Variants in INSYN2B observed in about 807,000 individuals in gnomAD.
INSYN2B encodes protein INSYN2B.
A neutral mutation model predicts 41.2 loss-of-function variants in INSYN2B; 16 were observed. The observed-to-expected ratio is 0.39, with a 90% CI of 0.26 to 0.59. The LOEUF (loss-of-function observed/expected upper bound fraction) is 0.59. INSYN2B is among the 20% of genes least tolerant of loss of function. The pLI is 0.57. For synonymous variants in INSYN2B, 245 were observed against 244.4 expected (o/e 1.00, Z -0.02); for missense variants, 608 against 646.4 (o/e 0.94, Z 0.64).
At chr5:169,942,810 T>C (rs1373346044) in intron 1 of INSYN2B, among the ~76,000 whole-genome samples, 3 of 152,228 alleles carry the variant, frequency 2.0e-5, no homozygotes, top group African/African-American at 7.2e-5. Flanking sequence ...TCAGTCTTTG[T>C]TGCTTCCAAG....
At chr5:169,967,327 G>A (rs1245471364) in intron 1 of INSYN2B, among the ~76,000 whole-genome samples, 1 of 152,196 alleles carries the variant, frequency 6.6e-6, no homozygotes, top group Non-Finnish European at 1.5e-5. Context: ...TATGTCAATT[G>A]TTTAAAAGGT....
chr5:169,976,479 G>A (rs1044250481), intron 1 of INSYN2B, among the ~76,000 whole-genome samples: 3 of 152,030 alleles, frequency 2.0e-5, no homozygotes, highest in Non-Finnish European at 4.4e-5. Context: ...GATGAATGTA[G>A]GGCCCTGGGC....
Position 169,912,460 on chromosome 5 carries a change from C to T in INSYN2B, c.-918-27644G>A, listed in dbSNP as rs185243135. Among the ~76,000 whole-genome samples the T allele has an allele frequency of 8.5e-5, 13 of 152,254 alleles. No individual in the cohort carries two copies. The East Asian group carries it at 1.2e-3, about 14-fold the overall frequency. ...CCACACACAAATTCATCTTTTGGCA[C>T]GTGTATGTGTGTGTGCACATATGTG... On this transcript the variant is annotated intron_variant, in intron 1 of 3. Transcript: ENST00000377365.
At chr5:169,934,684 G>A (rs1243189755) in intron 1 of INSYN2B, 2 of 456,110 alleles carry the variant, frequency 4.4e-6, no homozygotes, top group Non-Finnish European at 8.8e-6. Flanking sequence ...AACCGATTGG[G>A]TGCTACGGAG....
intron 1 of INSYN2B, among the ~76,000 whole-genome samples, chr5:169,889,402 A>G (rs559320320): frequency 3.9e-5 from 6 of 152,328 alleles, no homozygotes; most frequent in Admixed American, 1.3e-4. Context: ...TGGAGATTCC[A>G]AGGAGGAAAA....
chr5:169,888,427 T>C lies in INSYN2B; in HGVS notation c.-918-3611A>G, dbSNP rs74998833. On this transcript the variant is annotated intron_variant, in intron 1 of 3. Transcript: ENST00000377365. ...AACACTTTATTCTGTCCTCCCTTGA[T>C]TATTGACTTTAGTGAACATGAACCA... is the stretch of plus-strand genomic sequence containing the variant. Among the ~76,000 whole-genome samples the C allele has an allele frequency of 9.5e-3, 1,451 of 152,326 alleles. 22 individuals are homozygous for C. The highest frequency in any genetic ancestry group is 0.033 in the African/African-American group (1,376 of 41,560).
chr5:169,893,487 T>A (rs942935240), intron 1 of INSYN2B, among the ~76,000 whole-genome samples: 7 of 152,038 alleles, frequency 4.6e-5, no homozygotes, highest in African/African-American at 1.7e-4. Flanking sequence ...CCCTTTTTTT[T>A]TTTTTTAGGT....
intron 3 of INSYN2B, among the ~76,000 whole-genome samples, chr5:169,869,758 ACT>A (rs1308064725): frequency 6.6e-6 from 1 of 152,018 alleles, no homozygotes; most frequent in Non-Finnish European, 1.5e-5. Flanking sequence ...AGTGGGAGAG[ACT>A]CTCTGCTTTG....
At chr5:169,867,530 CATCT>C (rs1435345179) in intron 3 of INSYN2B, among the ~76,000 whole-genome samples, 2 of 151,798 alleles carry the variant, frequency 1.3e-5, no homozygotes, top group African/African-American at 4.9e-5. Context: ...TATCATCTAT[CATCT>C]ATCATGTATC....
At chr5:169,904,970 G>T (rs1017396903) in intron 1 of INSYN2B, among the ~76,000 whole-genome samples, 4 of 152,124 alleles carry the variant, frequency 2.6e-5, no homozygotes, top group African/African-American at 9.7e-5. Context: ...CTAGCTGTGT[G>T]ACCTTGACTA....
At chr5:169,970,894 C>A (rs1455736573) in intron 1 of INSYN2B, among the ~76,000 whole-genome samples, 1 of 151,962 alleles carries the variant, frequency 6.6e-6, no homozygotes, top group Non-Finnish European at 1.5e-5. Context: ...GAGTGTGGAT[C>A]CGAATATACG....
intron 1 of INSYN2B, among the ~76,000 whole-genome samples, chr5:169,952,760 G>A (rs1442244846): frequency 3.3e-5 from 5 of 152,248 alleles, no homozygotes; most frequent in South Asian, 2.1e-4. Context: ...TCCAAGCTTC[G>A]TTTGATGCCG....
chr5:169,974,229 G>A (rs1475347180), intron 1 of INSYN2B, among the ~76,000 whole-genome samples: 5 of 152,178 alleles, frequency 3.3e-5, no homozygotes, highest in Non-Finnish European at 7.3e-5. Context: ...TCTACTGAAA[G>A]TTTGGAGGAT....
intron 1 of INSYN2B, among the ~76,000 whole-genome samples, chr5:169,967,366 T>C (rs1359441601): frequency 6.6e-6 from 1 of 152,228 alleles, no homozygotes; most frequent in Admixed American, 6.5e-5. Context: ...GCTCAGATGC[T>C]GAACAATGCT....
intron 1 of INSYN2B, among the ~76,000 whole-genome samples, chr5:169,892,144 C>T (rs1329904900): frequency 6.6e-6 from 1 of 152,100 alleles, no homozygotes; most frequent in Non-Finnish European, 1.5e-5. Flanking sequence ...AGCTTAAGCA[C>T]AATTCCAATA....
chr5:169,869,710 A>T (rs1380387275), intron 3 of INSYN2B, among the ~76,000 whole-genome samples: 3 of 152,168 alleles, frequency 2.0e-5, no homozygotes, highest in African/African-American at 7.2e-5. Flanking sequence ...ACTTGGTGAA[A>T]ATTGAAGTTA....
chr5:169,901,053 T>C (rs1278551175), intron 1 of INSYN2B, among the ~76,000 whole-genome samples: 1 of 152,126 alleles, frequency 6.6e-6, no homozygotes, highest in Non-Finnish European at 1.5e-5. Context: ...GTGCTAGATG[T>C]TGTGACCAAA....
rs187464300 is a variant in INSYN2B at position 169,904,748 on chromosome 5, T to C, written c.-918-19932A>G. ...GCGAGCATTAACTGTATTAGCTACA[T>C]TGGAATTTCCATCAGTGACACTGTA... On this transcript the variant is annotated intron_variant, in intron 1 of 3. Transcript: ENST00000377365. Among the ~76,000 whole-genome samples, 475 of 152,308 alleles carry C rather than the reference T, an allele frequency of 3.1e-3. 5 individuals carry two copies. The highest frequency in any genetic ancestry group is 0.019 in the Admixed American group (284 of 15,300).
intron 1 of INSYN2B, among the ~76,000 whole-genome samples, chr5:169,902,984 GC>G (rs1294698624): frequency 2.0e-5 from 3 of 152,078 alleles, no homozygotes; most frequent in Middle Eastern, 3.2e-3. Context: ...TGTAGTCCCA[GC>G]TACTCGGGAG....
Sources: gnomAD v4.1 joint callset for allele counts (sites outside exome capture counted in the v4.1 genomes callset) on GRCh38, gnomAD v4.1.1 for gene constraint, MANE v1.5 for transcripts, NCBI Gene and HGNC (gene_info 2026-07-23, HGNC 2026-07-21) for gene names.